The following ZNF423 variants were observed in gnomAD, a reference collection of about 807,000 sequenced individuals.
ZNF423 encodes Ebf-associated zinc finger protein.
In ZNF423, 12 loss-of-function variants were observed where a neutral mutation model predicts 95.8. The ratio of observed to expected loss-of-function variants is 0.13; its 90% CI spans 0.08 to 0.20. ZNF423 has a LOEUF of 0.20. Among genes scored for constraint, ZNF423 ranks in the 10% least tolerant of loss-of-function variants. The pLI, the probability that ZNF423 is intolerant of heterozygous loss-of-function variation, is 1.00. For missense variants in ZNF423, 1,316 were observed against 1,737.1 expected (o/e 0.76, Z 4.31); for synonymous variants, 749 against 711.9 (o/e 1.05, Z -0.83).
intron 7 of ZNF423, among the ~76,000 whole-genome samples, chr16:49,493,887 C>T (rs886262910): frequency 2.0e-5 from 3 of 152,180 alleles, no homozygotes; most frequent in Admixed American, 6.5e-5. Flanking sequence ...ACATGGCCTA[C>T]GGACAGTGGA....
chr16:49,538,083 C>T lies in ZNF423; in HGVS notation c.3602-12589G>A, dbSNP rs187393820. ...CCATCCAGCAGCCACTCCTGACCCA[C>T]AGAGGCAGAGCTTACTGACAGCTCC... On this transcript the variant is annotated intron_variant, in intron 5 of 7. Coordinates refer to ENST00000563137, the MANE Select transcript of ZNF423 (RefSeq NM_001379286.1). Among the ~76,000 whole-genome samples, 604 of 152,348 alleles carry T rather than the reference C, an allele frequency of 4.0e-3. 2 individuals are homozygous for T. The highest frequency in any genetic ancestry group is 0.017 in the Middle Eastern group (5 of 294).
intron 1 of ZNF423, among the ~76,000 whole-genome samples, chr16:49,833,656 A>C (rs1041481368): frequency 7.2e-5 from 11 of 151,986 alleles, no homozygotes; most frequent in African/African-American, 2.7e-4. Context: ...TTCCCAGAAG[A>C]CGGACAGATG....
chr16:49,661,103 C>A (rs2030197007), intron 3 of ZNF423, among the ~76,000 whole-genome samples: 1 of 151,812 alleles, frequency 6.6e-6, no homozygotes, highest in African/African-American at 2.4e-5. Flanking sequence ...CGCCTGTAAT[C>A]CCAGCTACTC....
chr16:49,804,480 T>A (rs962750853), intron 1 of ZNF423, among the ~76,000 whole-genome samples: 34 of 152,224 alleles, frequency 2.2e-4, no homozygotes, highest in African/African-American at 7.9e-4. Context: ...CCACCCAGTC[T>A]AGCATCACCT....
At chr16:49,834,137 GT>G (rs2035091561) in intron 1 of ZNF423, among the ~76,000 whole-genome samples, 1 of 152,204 alleles carries the variant, frequency 6.6e-6, no homozygotes, top group Admixed American at 6.5e-5. Flanking sequence ...ATTGGAGGAT[GT>G]TAGGGCGAAG....
chr16:49,537,868 C>G (rs1969109168), intron 5 of ZNF423, among the ~76,000 whole-genome samples: 1 of 152,212 alleles, frequency 6.6e-6, no homozygotes, highest in African/African-American at 2.4e-5. Flanking sequence ...GCTCCCAGAG[C>G]TGAGCCCTCC....
intron 1 of ZNF423, among the ~76,000 whole-genome samples, chr16:49,838,581 C>T (rs1194280250): frequency 3.9e-5 from 6 of 152,238 alleles, no homozygotes; most frequent in Admixed American, 3.9e-4. Context: ...GCTCCCGAGG[C>T]GCACATCTGG....
intron 2 of ZNF423, among the ~76,000 whole-genome samples, chr16:49,770,654 T>G (rs2034016231): frequency 2.0e-5 from 3 of 146,726 alleles, no homozygotes; most frequent in Non-Finnish European, 4.5e-5. Context: ...CACTTTGGAG[T>G]AGGTGGGAAA....
chr16:49,557,945 G>A (rs1026397599), intron 5 of ZNF423, among the ~76,000 whole-genome samples: 1 of 152,226 alleles, frequency 6.6e-6, no homozygotes, highest in Non-Finnish European at 1.5e-5. Flanking sequence ...TGGCTCCAGA[G>A]GGGCTGAGCC....
chr16:49,494,497 G>A (rs561459832), intron 7 of ZNF423, among the ~76,000 whole-genome samples: 1 of 152,224 alleles, frequency 6.6e-6, no homozygotes, highest in Admixed American at 6.5e-5. Context: ...CCTACCCCTC[G>A]AGGGGCCTGA....
intron 2 of ZNF423, among the ~76,000 whole-genome samples, chr16:49,781,604 A>C (rs1201648435): frequency 3.9e-5 from 6 of 152,194 alleles, no homozygotes; most frequent in African/African-American, 1.4e-4. Flanking sequence ...GCAGGGCAGG[A>C]GGCAGCTCCG....
At chr16:49,609,760 GA>G (rs1170304156) in intron 5 of ZNF423, among the ~76,000 whole-genome samples, 1 of 152,048 alleles carries the variant, frequency 6.6e-6, no homozygotes, top group African/African-American at 2.4e-5. Context: ...GGGCAGGATT[GA>G]AAATGTACTC....
At chr16:49,666,720 C>T (rs532133881) in intron 3 of ZNF423, among the ~76,000 whole-genome samples, 9 of 152,200 alleles carry the variant, frequency 5.9e-5, no homozygotes, top group Non-Finnish European at 1.3e-4. Context: ...CTCACCAGAC[C>T]CCCAGGGAGG....
At chr16:49,680,562 T>A (rs1242040212) in intron 3 of ZNF423, among the ~76,000 whole-genome samples, 1 of 152,190 alleles carries the variant, frequency 6.6e-6, no homozygotes, top group Admixed American at 6.5e-5. Flanking sequence ...TGGGGTTCTG[T>A]GGTTCCTGGC....
intron 2 of ZNF423, among the ~76,000 whole-genome samples, chr16:49,783,329 G>GGT (rs2034246255): frequency 1.1e-4 from 17 of 149,406 alleles, no homozygotes; most frequent in Admixed American, 1.1e-3. Context: ...GAAAGAGGGG[G>GGT]ATTAGGGTTA....
chr16:49,690,574 A>G (rs146528529), intron 3 of ZNF423, among the ~76,000 whole-genome samples: 225 of 152,340 alleles, frequency 1.5e-3, no homozygotes, highest in African/African-American at 5.2e-3. Flanking sequence ...TCATGATGTG[A>G]CATCATCTCC....
chr16:49,580,583 G>C (rs1392318441), intron 5 of ZNF423, among the ~76,000 whole-genome samples: 1 of 152,176 alleles, frequency 6.6e-6, no homozygotes, highest in African/African-American at 2.4e-5. Context: ...GAAGAAAGGA[G>C]AGCTTTGAAC....
chr16:49,827,534 G>A (rs1419789627), intron 1 of ZNF423, among the ~76,000 whole-genome samples: 2 of 147,264 alleles, frequency 1.4e-5, no homozygotes, highest in Admixed American at 1.4e-4. Flanking sequence ...TTTTTTTTTT[G>A]AGTTGGGGTC....
chr16:49,545,256 A>G (rs944437708), intron 5 of ZNF423, among the ~76,000 whole-genome samples: 1 of 152,218 alleles, frequency 6.6e-6, no homozygotes, highest in Admixed American at 6.5e-5. Context: ...TCTAAGTATC[A>G]AGTTGAAAAG....
Sources: allele counts gnomAD v4.1 joint callset (sites outside exome capture counted in the v4.1 genomes callset), GRCh38; gene constraint gnomAD v4.1.1; transcripts MANE v1.5; gene names NCBI Gene and HGNC (gene_info 2026-07-23, HGNC 2026-07-21).